The following CFHR5 variants were observed in gnomAD, a reference collection of about 807,000 sequenced individuals.
CFHR5 encodes complement factor H related 5.
CFHR5 carries 73 observed loss-of-function variants against 62.9 expected under a neutral mutation model. That is an observed-to-expected ratio of 1.16 (90% CI 0.96 to 1.41). The LOEUF is 1.41. CFHR5 is among the 40% of genes most tolerant of loss of function. CFHR5 has a pLI of 0.00. For synonymous variants in CFHR5, 249 were observed against 227.2 expected (o/e 1.10, Z -0.86); for missense variants, 779 against 679.9 (o/e 1.15, Z -1.62).
intron 9 of CFHR5, among the ~76,000 whole-genome samples, chr1:197,007,123 C>T (rs1654309448): frequency 6.6e-6 from 1 of 152,024 alleles, no homozygotes; most frequent in South Asian, 2.1e-4. Context: ...GCGTGAGCCA[C>T]CACGCCCGGC....
At chr1:196,994,850 C>T (rs1437007133) in intron 4 of CFHR5, among the ~76,000 whole-genome samples, 3 of 152,070 alleles carry the variant, frequency 2.0e-5, no homozygotes, top group Non-Finnish European at 2.9e-5. Context: ...AGGCACATCT[C>T]GAATGATGGC....
chr1:196,995,374 G>A (rs1353689147), intron 4 of CFHR5, among the ~76,000 whole-genome samples: 1 of 152,072 alleles, frequency 6.6e-6, no homozygotes, highest in Middle Eastern at 3.2e-3. Context: ...GCATTCTGAA[G>A]AATTTAGGAC....
chr1:197,007,135 C>G (rs1346905974), intron 9 of CFHR5, among the ~76,000 whole-genome samples: 1 of 151,722 alleles, frequency 6.6e-6, no homozygotes, highest in African/African-American at 2.4e-5. Context: ...ACGCCCGGCC[C>G]AATGTAGTAT....
At chr1:197,008,375 A>G (rs999733021) in intron 9 of CFHR5, 112 bp from the exon 10 acceptor site, 2 of 517,254 alleles carry the variant, frequency 3.9e-6, no homozygotes, top group African/African-American at 4.0e-5. Flanking sequence ...ATAAATATTA[A>G]TATTTTTCAT....
chr1:196,994,190 A>G lies in CFHR5; in HGVS notation c.541A>G (p.Arg181Gly), dbSNP rs1300396971. The G allele has an allele frequency of 1.2e-6, 2 of 1,613,528 alleles. No homozygotes were observed. The highest frequency in any genetic ancestry group is 1.7e-6 in the Non-Finnish European group (2 of 1,179,782). The stretch of plus-strand genomic sequence containing the variant: ...ATTCTCCTGCAGAAAAAATCTTATA[A>G]GAGTTGGATCAGACTCAGTTCAATG... ...LKFSCRKNLI[R>G]VGSDSVQCYQ... Residue 181 changes from arginine to glycine, a missense_variant, in exon 4 of 10, where the codon AGA (arginine) becomes GGA (glycine). By Grantham distance (125) the Arg-to-Gly change is moderately radical (BLOSUM62 -2). Coordinates refer to ENST00000256785, the MANE Select transcript of CFHR5 (RefSeq NM_030787.4).
chr1:196,988,282 G>A (rs892025248), intron 3 of CFHR5, among the ~76,000 whole-genome samples: 2 of 152,154 alleles, frequency 1.3e-5, no homozygotes, highest in South Asian at 2.1e-4. Context: ...GAGACGATGG[G>A]GTTTTCTAAA....
At chr1:197,005,848 C>T (rs1204531846) in intron 9 of CFHR5, among the ~76,000 whole-genome samples, 1 of 152,134 alleles carries the variant, frequency 6.6e-6, no homozygotes, top group Non-Finnish European at 1.5e-5. Context: ...CCCAATGCCA[C>T]TATGGCCTAT....
chr1:196,989,692 C>T (rs773213772), intron 3 of CFHR5, among the ~76,000 whole-genome samples: 8 of 152,130 alleles, frequency 5.3e-5, no homozygotes, highest in Non-Finnish European at 8.8e-5. Flanking sequence ...GAGTGAGTTT[C>T]TTAATCCTGG....
chr1:196,992,347 C>A (rs1336786573), intron 3 of CFHR5, among the ~76,000 whole-genome samples: 1 of 152,074 alleles, frequency 6.6e-6, no homozygotes, highest in Admixed American at 6.5e-5. Flanking sequence ...ATCCCCCAAC[C>A]CCTTGCACTT....
chr1:196,986,315 A>G (rs920354915), intron 3 of CFHR5, among the ~76,000 whole-genome samples: 2 of 152,082 alleles, frequency 1.3e-5, no homozygotes, highest in African/African-American at 2.4e-5. Flanking sequence ...TGCAATAACC[A>G]TATATGAATA....
At chr1:196,979,755 G>T (rs1197976608) in intron 1 of CFHR5, among the ~76,000 whole-genome samples, 1 of 151,842 alleles carries the variant, frequency 6.6e-6, no homozygotes, top group Non-Finnish European at 1.5e-5. Flanking sequence ...CAATATTTTG[G>T]GGGGAGCAGG....
chr1:196,996,077 G>T lies in CFHR5; in HGVS notation c.846G>T (p.Pro282=). ...AACTCGAGTACGGTTATGTTCAGCC[G>T]TCTGTCCCTCCCTATCAACATGGAG... The part of the protein sequence containing the change: ...IPELEYGYVQ[P]SVPPYQHGVS... Residue 282 remains proline (P), a synonymous_variant, in exon 6 of 10, where the codon CCG becomes CCT. Coordinates refer to ENST00000256785, the MANE Select transcript of CFHR5 (RefSeq NM_030787.4). The T allele has an allele frequency of 1.9e-6, 3 of 1,613,782 alleles. No individual in the cohort carries two copies. Among genetic ancestry groups the T allele is most frequent in the Non-Finnish European group, 2.5e-6 (3 of 1,179,798 alleles).
chr1:197,009,428 C>T lies in CFHR5; in HGVS notation c.*745C>T, dbSNP rs886045756. The T allele has an allele frequency of 3.9e-5, 6 of 152,142 alleles. No individual in the cohort carries two copies. The highest frequency in any genetic ancestry group is 8.8e-5 in the Non-Finnish European group (6 of 68,016). 9.4% of individuals were successfully genotyped at this position (152,142 alleles called of 1,614,324 possible). ...CGCTTCAGTACTTAATTCATCTAATCCCTCCTGTTTGTCTCAAATTATAGG... is the reference window on the plus strand; with the variant it reads ...CGCTTCAGTACTTAATTCATCTAATTCCTCCTGTTTGTCTCAAATTATAGG... On this transcript the variant is annotated 3_prime_UTR_variant, in exon 10 of 10. Coordinates refer to ENST00000256785, the MANE Select transcript of CFHR5 (RefSeq NM_030787.4).
Position 197,008,436 on chromosome 1 carries a change from G to A in CFHR5, c.1514-51G>A, listed in dbSNP as rs535661170. 1.3e-5 allele frequency: 15 copies of A among 1,133,724 alleles called. No individual in the cohort carries two copies. The East Asian group carries it at 2.7e-4, about 20-fold the overall frequency. The allele number at this position is 1,133,724 out of a possible 1,614,324, so 70.2% of individuals were successfully genotyped here. Reference sequence around the variant, plus strand: ...ATGCAATTTCACTATTCTATGAAAGGTAAAGATGTATTATTATTTATTTAT... The same window carrying A: ...ATGCAATTTCACTATTCTATGAAAGATAAAGATGTATTATTATTTATTTAT... On this transcript the variant is annotated intron_variant, in intron 9 of 9. Transcript: ENST00000256785.
chr1:197,007,861 GATTAC>G (rs1424757698), intron 9 of CFHR5, among the ~76,000 whole-genome samples: 3 of 145,990 alleles, frequency 2.1e-5, no homozygotes, highest in East Asian at 2.0e-4. Context: ...GATATAAATT[GATTAC>G]ATTACATTAG....
At chr1:196,981,414 G>A (rs187970498) in intron 1 of CFHR5, among the ~76,000 whole-genome samples, 3 of 151,784 alleles carry the variant, frequency 2.0e-5, no homozygotes, top group Admixed American at 6.6e-5. Context: ...AGAGGAAGTG[G>A]TATATAGGAA....
chr1:196,999,667 T>A (rs1456350341), intron 7 of CFHR5, among the ~76,000 whole-genome samples: 1 of 142,676 alleles, frequency 7.0e-6, no homozygotes, highest in Non-Finnish European at 1.5e-5. Context: ...CTTAAACTTA[T>A]CTATTTTGGG....
intron 1 of CFHR5, 147 bp from the exon 2 acceptor site, chr1:196,982,738 C>A: frequency 1.4e-6 from 1 of 705,328 alleles, no homozygotes; most frequent in Non-Finnish European, 2.4e-6. Flanking sequence ...TTCTTCATTC[C>A]AAATTAGTAC....
Position 197,008,551 on chromosome 1 carries a change from T to C in CFHR5, c.1578T>C (p.Asp526=), listed in dbSNP as rs369454163. The change falls in exon 10 of 10, where the codon GAT becomes GAC. Residue 526 remains aspartate (D), a synonymous_variant. Coordinates refer to ENST00000256785, the MANE Select transcript of CFHR5 (RefSeq NM_030787.4). ...KNNIQLKWRN[D]GKLYAKTGDA... is the part of the protein sequence containing the mutation. ...ACATACAGTTAAAATGGAGAAACGA[T>C]GGAAAACTCTATGCAAAAACAGGGG... 5.0e-6 allele frequency: 8 copies of C among 1,613,454 alleles called. No individual in the cohort carries two copies. The African/African-American group carries it at 8.0e-5, about 16-fold the overall frequency.
Sources: gnomAD v4.1 joint callset for allele counts (sites outside exome capture counted in the v4.1 genomes callset) on GRCh38, gnomAD v4.1.1 for gene constraint, MANE v1.5 for transcripts, NCBI Gene and HGNC (gene_info 2026-07-23, HGNC 2026-07-21) for gene names.